The following VMP1 variants were observed in gnomAD, a reference collection of about 807,000 sequenced individuals.
VMP1 encodes the protein vacuole membrane protein 1.
A neutral mutation model predicts 56.0 loss-of-function variants in VMP1; 11 were observed. The ratio of observed to expected loss-of-function variants is 0.20; its 90% confidence interval spans 0.12 to 0.32. The LOEUF (loss-of-function observed/expected upper bound fraction) is 0.32. VMP1 is among the 10% of genes least tolerant of loss of function. The pLI, the probability that VMP1 is intolerant of heterozygous loss-of-function variation, is 1.00. For synonymous variants in VMP1, 149 were observed against 165.0 expected (o/e 0.90, Z 0.74); for missense variants, 296 against 490.3 (o/e 0.60, Z 3.74).
At chr17:59,811,897 G>A (rs1475977461) in intron 9 of VMP1, 111 bp downstream of exon 9, 2 of 779,838 alleles carry the variant, frequency 2.6e-6, no homozygotes, top group East Asian at 2.6e-5. Context: ...TTTTTTGGTT[G>A]GTAGCTTACT....
intron 7 of VMP1, among the ~76,000 whole-genome samples, chr17:59,796,327 T>C (rs1172142076): frequency 6.6e-6 from 1 of 152,226 alleles, no homozygotes; most frequent in Non-Finnish European, 1.5e-5. Flanking sequence ...CTCCATGAGG[T>C]TCCAGATTGT....
intron 5 of VMP1, among the ~76,000 whole-genome samples, chr17:59,750,631 T>C (rs1313279242): frequency 6.6e-6 from 1 of 152,154 alleles, no homozygotes; most frequent in Non-Finnish European, 1.5e-5. Context: ...AATAATTTTA[T>C]TCAACATATG....
intron 10 of VMP1, among the ~76,000 whole-genome samples, chr17:59,824,917 G>A (rs941701263): frequency 1.1e-4 from 16 of 148,018 alleles, no homozygotes; most frequent in African/African-American, 3.5e-4. Flanking sequence ...GGTGGCTCAC[G>A]CCTGTAATCC....
At chr17:59,758,849 C>T (rs748767583) in intron 5 of VMP1, among the ~76,000 whole-genome samples, 3 of 151,956 alleles carry the variant, frequency 2.0e-5, no homozygotes, top group Non-Finnish European at 4.4e-5. Context: ...AATCCCAGCA[C>T]TTTGAGAGAC....
rs749388493 is a variant in VMP1 at position 59,841,269 on chromosome 17, C to T, written c.*1358C>T. The T allele has an allele frequency of 5.9e-6, 3 of 505,200 alleles. No homozygotes were observed. Among genetic ancestry groups the T allele is most frequent in the South Asian group, 2.9e-5 (2 of 69,032 alleles). 31.3% of individuals were successfully genotyped at this position (505,200 alleles called of 1,614,324 possible). ...CATCTCCATGGCTGTACCACCTTGTCGGGTAGCTTATCAGACTGATGTTGA... is the reference window on the plus strand; with the variant it reads ...CATCTCCATGGCTGTACCACCTTGTTGGGTAGCTTATCAGACTGATGTTGA... On this transcript the variant is annotated 3_prime_UTR_variant, in exon 12 of 12. Coordinates refer to ENST00000262291, the MANE Select transcript of VMP1 (RefSeq NM_030938.5).
intron 1 of VMP1, among the ~76,000 whole-genome samples, chr17:59,714,807 C>T (rs2034088180): frequency 6.6e-6 from 1 of 151,890 alleles, no homozygotes; most frequent in Non-Finnish European, 1.5e-5. Context: ...GTACCTGGGA[C>T]CACAGATACC....
chr17:59,832,655 A>ATTG (rs2038849998), intron 10 of VMP1, among the ~76,000 whole-genome samples: 4 of 150,420 alleles, frequency 2.7e-5, no homozygotes, highest in Admixed American at 2.6e-4. Flanking sequence ...GTGCAGTGGC[A>ATTG]CAATCTCGGC....
chr17:59,829,909 A>G (rs2038757357), intron 10 of VMP1, among the ~76,000 whole-genome samples: 1 of 152,192 alleles, frequency 6.6e-6, no homozygotes, highest in African/African-American at 2.4e-5. Context: ...ATCATTTTCT[A>G]TATAGGAGTC....
chr17:59,757,859 CTT>C (rs66605258), intron 5 of VMP1, among the ~76,000 whole-genome samples: 3,632 of 91,052 alleles, frequency 0.04, 218 homozygotes, highest in African/African-American at 0.14. Flanking sequence ...TTATTTGCCA[CTT>C]TTTTTTTTTT....
chr17:59,724,173 C>T (rs1300646898), intron 1 of VMP1, among the ~76,000 whole-genome samples: 2 of 146,720 alleles, frequency 1.4e-5, no homozygotes, highest in South Asian at 2.1e-4. Flanking sequence ...GATTGCACCA[C>T]TGCACTCCAG....
At position 59,841,164 on chromosome 17, in the gene VMP1, G is replaced by C. The variant is rs544241065; in HGVS notation, c.*1253G>C. On this transcript the variant is annotated 3_prime_UTR_variant, in exon 12 of 12. Coordinates refer to ENST00000262291, the MANE Select transcript of VMP1 (RefSeq NM_030938.5). ...CGATCTTAACAGGCCAGAAATGCCTGGGTTTTTTTGGTTTGTTTTTGTTTT... is the reference window on the plus strand; with the variant it reads ...CGATCTTAACAGGCCAGAAATGCCTCGGTTTTTTTGGTTTGTTTTTGTTTT... 2 of 365,466 alleles carry C rather than the reference G, an allele frequency of 5.5e-6. No individual in the cohort carries two copies. Among genetic ancestry groups the C allele is most frequent in the Non-Finnish European group, 1.2e-5 (2 of 160,244 alleles). 22.6% of individuals were successfully genotyped at this position (365,466 alleles called of 1,614,324 possible).
At chr17:59,837,462 A>G (rs934632637) in intron 10 of VMP1, among the ~76,000 whole-genome samples, 3 of 152,212 alleles carry the variant, frequency 2.0e-5, no homozygotes, top group African/African-American at 4.8e-5. Context: ...CCTGTTAGCT[A>G]CAGTTGCCAA....
intron 10 of VMP1, among the ~76,000 whole-genome samples, chr17:59,829,101 G>A (rs1173984198): frequency 2.6e-5 from 4 of 152,160 alleles, no homozygotes; most frequent in Non-Finnish European, 5.9e-5. Context: ...GGGTGATAGA[G>A]CCAGACTCCG....
intron 7 of VMP1, among the ~76,000 whole-genome samples, chr17:59,777,927 T>A (rs1431307000): frequency 2.0e-5 from 3 of 152,322 alleles, no homozygotes; most frequent in South Asian, 4.1e-4. Context: ...TGTTCTTGTA[T>A]TTTTTATGTG....
intron 5 of VMP1, among the ~76,000 whole-genome samples, chr17:59,748,313 G>A (rs1321532879): frequency 5.3e-5 from 8 of 151,706 alleles, no homozygotes; most frequent in Admixed American, 3.9e-4. Flanking sequence ...CTAACTTTAA[G>A]TCCAATCTTT....
At chr17:59,734,902 C>CTTTTTTT (rs35072996) in intron 2 of VMP1, among the ~76,000 whole-genome samples, 13 of 72,284 alleles carry the variant, frequency 1.8e-4, no homozygotes, top group East Asian at 5.0e-4. Flanking sequence ...GACTGGTTGC[C>CTTTTTTT]TTTTTTTTTT....
chr17:59,782,137 G>A (rs994013394), intron 7 of VMP1, among the ~76,000 whole-genome samples: 5 of 152,154 alleles, frequency 3.3e-5, no homozygotes, highest in Admixed American at 6.6e-5. Context: ...TCGAGCTCCC[G>A]ACCTCAAGTG....
rs980623137 is a variant in VMP1 at position 59,822,464 on chromosome 17, G to A, written c.974+4691G>A. Among the ~76,000 whole-genome samples, 4 of 151,694 alleles carry A rather than the reference G, an allele frequency of 2.6e-5. No homozygotes were observed. The East Asian group carries it at 7.8e-4, about 30-fold the overall frequency. On this transcript the variant is annotated intron_variant, in intron 10 of 11. Transcript: ENST00000262291. ...CTGCTTCAGCCTTCTGAGTAGCTGG[G>A]ATTACAGGTGTGCACCACCACACCT...
chr17:59,750,991 G>A (rs2035621346), intron 5 of VMP1, among the ~76,000 whole-genome samples: 1 of 136,790 alleles, frequency 7.3e-6, no homozygotes. Context: ...GGAGTACAGT[G>A]GTGCAATCTT....
Sources: gnomAD v4.1 joint callset for allele counts (sites outside exome capture counted in the v4.1 genomes callset) on GRCh38, gnomAD v4.1.1 for gene constraint, MANE v1.5 for transcripts, NCBI Gene and HGNC (gene_info 2026-07-23, HGNC 2026-07-21) for gene names.